OPA3: variants seen among roughly 807,000 people sequenced by gnomAD.
The protein encoded by OPA3 is optic atrophy 3 protein.
In OPA3, 6 loss-of-function variants were observed where a neutral mutation model predicts 4.0. The observed-to-expected ratio is 1.51, with a 90% CI of 0.83 to 2.99. OPA3 has a LOEUF of 2.99. Ranked by LOEUF, OPA3 falls within the 30% of genes most tolerant of loss-of-function variation. The pLI is 0.00. For missense variants in OPA3, 235 were observed against 256.2 expected (o/e 0.92, Z 0.56); for synonymous variants, 105 against 117.1 (o/e 0.90, Z 0.67).
At position 45,572,250 on chromosome 19, in the gene OPA3, TATAA is replaced by T. The variant is rs71824943; in HGVS notation, c.142+12369_142+12372del. 6.0e-3 allele frequency among the ~76,000 whole-genome samples: 841 copies of T among 139,838 alleles called. 15 individuals carry two copies. The highest frequency in any genetic ancestry group is 0.021 in the African/African-American group (783 of 36,962). The allele number at this position is 139,838 out of a possible 152,430, so 91.7% of individuals were successfully genotyped here. Reference sequence around the variant, plus strand: ...TCGATATATATGATTATATATCTCATATAAATAAAAAATAAAAATATATATAGTA... The same window carrying T: ...TCGATATATATGATTATATATCTCATATAAAAAATAAAAATATATATAGTA... On this transcript the variant is annotated intron_variant, in intron 1 of 1. Transcript: ENST00000263275.
intron 1 of OPA3, among the ~76,000 whole-genome samples, chr19:45,583,784 G>A (rs1334450749): frequency 6.6e-6 from 1 of 152,208 alleles, no homozygotes; most frequent in Non-Finnish European, 1.5e-5. Context: ...TTACAGGTGT[G>A]AGCCACCGCG....
intron 1 of OPA3, among the ~76,000 whole-genome samples, chr19:45,580,688 G>C (rs571682866): frequency 6.7e-6 from 1 of 150,136 alleles, no homozygotes; most frequent in Non-Finnish European, 1.5e-5. Flanking sequence ...GTGTGATCTT[G>C]GCTCACTGCA....
At chr19:45,581,149 G>T (rs891163095) in intron 1 of OPA3, among the ~76,000 whole-genome samples, 2 of 152,132 alleles carry the variant, frequency 1.3e-5, no homozygotes, top group African/African-American at 4.8e-5. Flanking sequence ...AGTTGTGGGG[G>T]TCAAATGAGA....
chr19:45,562,618 G>A (rs1023711126), intron 1 of OPA3, among the ~76,000 whole-genome samples: 1 of 152,216 alleles, frequency 6.6e-6, no homozygotes. Context: ...GAACCTGGGA[G>A]GCAGAGGTTG....
At chr19:45,562,356 A>G (rs1969516168) in intron 1 of OPA3, among the ~76,000 whole-genome samples, 1 of 145,686 alleles carries the variant, frequency 6.9e-6, no homozygotes, top group Non-Finnish European at 1.5e-5. Flanking sequence ...AAAAAAAAAA[A>G]AAAAAAAGAA....
intron 1 of OPA3, among the ~76,000 whole-genome samples, chr19:45,568,718 CAGG>C (rs919039039): frequency 6.6e-6 from 1 of 152,082 alleles, no homozygotes; most frequent in African/African-American, 2.4e-5. Flanking sequence ...TCAAGGGATT[CAGG>C]AGGAGGTAAC....
At chr19:45,562,221 C>T (rs1193814642) in intron 1 of OPA3, among the ~76,000 whole-genome samples, 1 of 150,398 alleles carries the variant, frequency 6.6e-6, no homozygotes, top group East Asian at 2.0e-4. Flanking sequence ...GTGATGCACA[C>T]CTGTAATCCC....
chr19:45,532,947 G>A (rs528390336), intron 1 of OPA3, among the ~76,000 whole-genome samples: 12 of 151,354 alleles, frequency 7.9e-5, no homozygotes, highest in Middle Eastern at 3.4e-3. Context: ...GCTGGAGTGC[G>A]ATGACACCAT....
chr19:45,567,357 A>T (rs957767851), intron 1 of OPA3, among the ~76,000 whole-genome samples: 1 of 149,550 alleles, frequency 6.7e-6, no homozygotes, highest in Non-Finnish European at 1.5e-5. Context: ...AAAAAAAAAA[A>T]AGAAGAAGAA....
Position 45,553,150 on chromosome 19 carries a change from A to C in OPA3, c.*364T>G. On this transcript the variant is annotated 3_prime_UTR_variant, in exon 2 of 2. Transcript: ENST00000263275. ...CAGATGAGTGTCCCAGTAAAGGTTA[A>C]CACTGATCAGGTAAACCGGGGGTGG... 8.0e-7 allele frequency: 1 copy of C among 1,246,606 alleles called. No individual in the cohort carries two copies. Among genetic ancestry groups the C allele is most frequent in the Admixed American group, 3.7e-5 (1 of 27,140 alleles). The allele number at this position is 1,246,606 out of a possible 1,614,324, so 77.2% of individuals were successfully genotyped here. A position where few individuals can be genotyped will look rare whatever the true frequency, so the allele number is the denominator to read the frequency against.
chr19:45,552,463 A>T lies in OPA3; in HGVS notation c.*1051T>A, dbSNP rs972383371. ...TCTCCCGACCTCCCGACTTCAAATG[A>T]CCCGCCCACCTCGACCTTCCAAAGT... On this transcript the variant is annotated 3_prime_UTR_variant, in exon 2 of 2. Coordinates refer to ENST00000263275, the MANE Select transcript of OPA3 (RefSeq NM_025136.4). 13 of 149,752 alleles carry T rather than the reference A, an allele frequency of 8.7e-5. No homozygotes were observed. The highest frequency in any genetic ancestry group is 3.2e-4 in the African/African-American group (13 of 40,234). 9.3% of individuals were successfully genotyped at this position (149,752 alleles called of 1,614,324 possible). A position where few individuals can be genotyped will look rare whatever the true frequency, so the allele number is the denominator to read the frequency against.
intron 1 of OPA3, among the ~76,000 whole-genome samples, chr19:45,582,967 T>TA (rs1969878195): frequency 1.3e-5 from 2 of 152,202 alleles, no homozygotes; most frequent in East Asian, 3.8e-4. Context: ...CTCCCAAAGT[T>TA]AGTTCAGCCT....
intron 1 of OPA3, among the ~76,000 whole-genome samples, chr19:45,582,567 T>C (rs1489920462): frequency 6.9e-6 from 1 of 144,340 alleles, no homozygotes; most frequent in Non-Finnish European, 1.5e-5. Context: ...TTTTTAAGGA[T>C]AACTTGATGG....
chr19:45,553,692 G>A lies in OPA3; in HGVS notation c.362C>T (p.Ala121Val), dbSNP rs1223655386. The change falls in exon 2 of 2, where the codon GCG becomes GTG. Residue 121 changes from alanine to valine, a missense_variant. Coordinates refer to ENST00000263275, the MANE Select transcript of OPA3 (RefSeq NM_025136.4). ...CAGGTGGCCCACCTCGTCCCGCAGC[G>A]CGTTCCAGGCAGCACGCTGCTCCTC... ...KEEEQRAAWN[A>V]LRDEVGHLAL... 6 of 1,606,426 alleles carry A rather than the reference G, an allele frequency of 3.7e-6. No homozygotes were observed. The highest frequency in any genetic ancestry group is 5.1e-6 in the Non-Finnish European group (6 of 1,178,800).
intron 1 of OPA3, chr19:45,584,261 G>C (rs1033342840): frequency 1.2e-6 from 1 of 869,050 alleles, no homozygotes; most frequent in African/African-American, 1.8e-5. Context: ...CCGGGCAAAG[G>C]ACCCCGTCCG....
chr19:45,575,741 C>G (rs945471659), intron 1 of OPA3, among the ~76,000 whole-genome samples: 1 of 152,084 alleles, frequency 6.6e-6, no homozygotes, highest in African/African-American at 2.4e-5. Flanking sequence ...GTGGCTAAAA[C>G]TATAGGCATG....
intron 1 of OPA3, among the ~76,000 whole-genome samples, chr19:45,557,209 T>C (rs1365540282): frequency 2.0e-5 from 3 of 151,962 alleles, no homozygotes; most frequent in Non-Finnish European, 4.4e-5. Flanking sequence ...GGTGTGCCAA[T>C]GGGAGTGGGC....
chr19:45,548,971 A>G lies in OPA3; in HGVS notation c.*4543T>C, dbSNP rs1327150684. ...GGTGCACAACCACCATGCCCAGCTA[A>G]TTTTTGTATTTTTAGTAGAGACGAG... On this transcript the variant is annotated 3_prime_UTR_variant, in exon 2 of 2. Coordinates refer to ENST00000263275, the MANE Select transcript of OPA3 (RefSeq NM_025136.4). 5.7e-6 allele frequency: 2 copies of G among 348,428 alleles called. No homozygotes were observed. 21.6% of individuals were successfully genotyped at this position (348,428 alleles called of 1,614,324 possible).
At chr19:45,564,200 G>C (rs895661053) in intron 1 of OPA3, among the ~76,000 whole-genome samples, 5 of 152,016 alleles carry the variant, frequency 3.3e-5, no homozygotes, top group African/African-American at 1.2e-4. Context: ...GCGACTAGGC[G>C]GAAGGGGAGG....
Sources: allele counts gnomAD v4.1 joint callset (sites outside exome capture counted in the v4.1 genomes callset), GRCh38; gene constraint gnomAD v4.1.1; transcripts MANE v1.5; gene names NCBI Gene and HGNC (gene_info 2026-07-23, HGNC 2026-07-21).